MSR1: variants seen among roughly 807,000 people sequenced by gnomAD.
MSR1 encodes macrophage scavenger receptor 1, also known as macrophage scavenger receptor types I and II.
A neutral mutation model predicts 47.2 loss-of-function variants in MSR1; 53 were observed. The observed-to-expected ratio is 1.12, with a 90% CI of 0.90 to 1.41. The LOEUF (loss-of-function observed/expected upper bound fraction) is 1.41, where lower values mean the gene tolerates loss of function less well. Ranked by LOEUF, MSR1 falls within the 40% of genes most tolerant of loss-of-function variation. The probability of loss-of-function intolerance (pLI) is 0.00; values close to 1 mark genes in which losing one functional copy is unlikely to be tolerated. For missense variants in MSR1, 786 were observed against 546.9 expected, an observed-to-expected ratio of 1.44 and a Z score of -4.36; for synonymous variants, 239 against 185.6, an observed-to-expected ratio of 1.29 and a Z score of -2.34.
chr8:16,154,857 A>T (rs1800956413), intron 6 of MSR1, among the ~76,000 whole-genome samples: 2 of 151,926 alleles, frequency 1.3e-5, no homozygotes, highest in Non-Finnish European at 1.5e-5. Context: ...CTTATCATTC[A>T]GTGTATTATG....
chr8:16,143,227 G>T (rs536757114), intron 8 of MSR1, among the ~76,000 whole-genome samples: 2 of 152,216 alleles, frequency 1.3e-5, no homozygotes, highest in East Asian at 1.9e-4. Flanking sequence ...GAAGGAGGTT[G>T]TAATTGTTTC....
chr8:16,139,850 G>A lies in MSR1; in HGVS notation c.1033+3708C>T, dbSNP rs1220212750. ...GCTGTAATTTGGAAAATAAGAAGAT[G>A]AGAAGGTAAAATAAGAATCAATTTT... On this transcript the variant is annotated intron_variant, in intron 8 of 9. Transcript: ENST00000262101. 5 of 352,114 alleles carry A rather than the reference G, an allele frequency of 1.4e-5. No homozygotes were observed. In the African/African-American group the frequency reaches 1.6e-4, roughly 11 times the overall value. The allele number at this position is 352,114 out of a possible 1,614,324, so 21.8% of individuals were successfully genotyped here.
intron 9 of MSR1, among the ~76,000 whole-genome samples, chr8:16,117,755 G>A (rs1051110584): frequency 4.6e-5 from 7 of 152,076 alleles, no homozygotes; most frequent in African/African-American, 7.2e-5. Flanking sequence ...AGGTGTCACT[G>A]TCTCCCATCA....
At chr8:16,125,125 G>C (rs1800100235) in intron 8 of MSR1, among the ~76,000 whole-genome samples, 1 of 152,148 alleles carries the variant, frequency 6.6e-6, no homozygotes, top group African/African-American at 2.4e-5. Flanking sequence ...TGAGACATTA[G>C]AAAATCTGAT....
chr8:16,137,915 C>T lies in MSR1; in HGVS notation c.1033+5643G>A, dbSNP rs985450476. ...GCTGAGGTGGGAGGATCATTTAAGC[C>T]CAGGAGCTTAAAGCTGCAGGGAGCT... On this transcript the variant is annotated intron_variant, in intron 8 of 9. Coordinates refer to ENST00000262101, the MANE Select transcript of MSR1 (RefSeq NM_138715.3). Among the ~76,000 whole-genome samples, 3 of 151,388 alleles carry T rather than the reference C, an allele frequency of 2.0e-5. No individual in the cohort carries two copies. In the Admixed American group the frequency reaches 2.0e-4, roughly 10 times the overall value.
At chr8:16,164,732 T>C (rs1300981050) in intron 4 of MSR1, among the ~76,000 whole-genome samples, 2 of 152,054 alleles carry the variant, frequency 1.3e-5, no homozygotes, top group South Asian at 2.1e-4. Flanking sequence ...TAGATTTTCA[T>C]ACTCAATAAA....
At chr8:16,173,543 G>C (rs1450748287) in intron 3 of MSR1, among the ~76,000 whole-genome samples, 3 of 152,174 alleles carry the variant, frequency 2.0e-5, no homozygotes, top group African/African-American at 7.2e-5. Context: ...ACAATAGTTT[G>C]GTTGGTTGGT....
At chr8:16,121,883 G>A (rs12114791) in intron 8 of MSR1, among the ~76,000 whole-genome samples, 4,878 of 151,564 alleles carry the variant, frequency 0.032, 168 homozygotes, top group East Asian at 0.13. Context: ...TTGTTAGAAC[G>A]GTAATCTAAT....
At chr8:16,140,368 T>C (rs1800522133) in intron 8 of MSR1, 1 of 985,454 alleles carries the variant, frequency 1.0e-6, no homozygotes, top group Non-Finnish European at 1.2e-6. Context: ...CATTGAAGAT[T>C]GAGCTGATTC....
rs748454592 is a variant in MSR1, at chr8:16,120,405, T to G, written c.1222+13A>C. On this transcript the variant is annotated intron_variant, in intron 9 of 9. Transcript: ENST00000262101. The stretch of plus-strand genomic sequence containing the variant: ...CAACAACAACAAACCTCACAAGATT[T>G]TCTTTAAATTACCTTGTCCAAAGTG... The G allele has an allele frequency of 1.9e-6, 3 of 1,612,962 alleles. No individual in the cohort carries two copies. Among genetic ancestry groups the G allele is most frequent in the Non-Finnish European group, 2.5e-6 (3 of 1,179,274 alleles).
intron 8 of MSR1, among the ~76,000 whole-genome samples, chr8:16,136,783 G>A (rs748788455): frequency 1.3e-5 from 2 of 151,838 alleles, no homozygotes; most frequent in African/African-American, 2.4e-5. Context: ...TTGTATTTTC[G>A]GTAGAGACAG....
At chr8:16,136,501 T>C (rs545860282) in intron 8 of MSR1, among the ~76,000 whole-genome samples, 295 of 150,392 alleles carry the variant, frequency 2.0e-3, no homozygotes, top group African/African-American at 6.9e-3. Context: ...ATTGTGATAA[T>C]TGCTTTTTTT....
At chr8:16,181,021 C>A (rs911167812) in intron 1 of MSR1, among the ~76,000 whole-genome samples, 1 of 151,804 alleles carries the variant, frequency 6.6e-6, no homozygotes, top group African/African-American at 2.4e-5. Context: ...AGAAGCCAAA[C>A]TGGATTATTT....
At chr8:16,187,614 G>A (rs1008275243) in intron 1 of MSR1, among the ~76,000 whole-genome samples, 1 of 152,008 alleles carries the variant, frequency 6.6e-6, no homozygotes, top group Non-Finnish European at 1.5e-5. Context: ...GAGAGTTCCT[G>A]AAGGTGCTCA....
At chr8:16,112,187 T>C (rs1799772110) in intron 9 of MSR1, among the ~76,000 whole-genome samples, 2 of 152,306 alleles carry the variant, frequency 1.3e-5, no homozygotes, top group Admixed American at 6.5e-5. Flanking sequence ...ATCTCTGTCT[T>C]TTGCTATGTG....
At chr8:16,183,651 TATC>T (rs1036137109) in intron 1 of MSR1, among the ~76,000 whole-genome samples, 10 of 141,958 alleles carry the variant, frequency 7.0e-5, no homozygotes, top group Middle Eastern at 3.7e-3. Context: ...ATAAATATAT[TATC>T]ATATTAATAT....
chr8:16,125,340 T>A (rs74449302), intron 8 of MSR1, among the ~76,000 whole-genome samples: 3,266 of 152,270 alleles, frequency 0.021, 70 homozygotes, highest in Middle Eastern at 0.085. Flanking sequence ...CTTAGTTTAA[T>A]TAATTTATTA....
chr8:16,187,364 C>CAAAAAAAAAAAAAAAAAAAAAAAAA (rs751848634), intron 1 of MSR1, among the ~76,000 whole-genome samples: 2 of 35,436 alleles, frequency 5.6e-5, no homozygotes, highest in African/African-American at 2.4e-4. Context: ...ACTCTGTCTC[C>CAAAAAAAAAAAAAAAAAAAAAAAAA]AAAAAAAAAA....
At chr8:16,125,325 G>A (rs1446301548) in intron 8 of MSR1, among the ~76,000 whole-genome samples, 2 of 152,138 alleles carry the variant, frequency 1.3e-5, no homozygotes, top group Non-Finnish European at 2.9e-5. Flanking sequence ...CACAGTGAGT[G>A]AACTCTTAGT....
Sources: allele counts gnomAD v4.1 joint callset (sites outside exome capture counted in the v4.1 genomes callset), GRCh38; gene constraint gnomAD v4.1.1; transcripts MANE v1.5; gene names NCBI Gene and HGNC (gene_info 2026-07-23, HGNC 2026-07-21).